Variants in SORCS1 observed in about 807,000 individuals in gnomAD.
SORCS1 encodes the protein sortilin related VPS10 domain containing receptor 1, also known as VPS10 domain-containing receptor SorCS1.
Under a neutral mutation model 146.1 loss-of-function variants are expected in SORCS1, and 60 were observed. That is an observed-to-expected ratio of 0.41 (90% CI 0.33 to 0.51). The LOEUF is 0.51. Among genes scored for constraint, SORCS1 ranks in the 20% least tolerant of loss-of-function variants. The pLI, the probability that SORCS1 is intolerant of heterozygous loss-of-function variation, is 0.21. For synonymous variants in SORCS1, 637 were observed against 584.0 expected (o/e 1.09, Z -1.31); for missense variants, 1,352 against 1,487.6 (o/e 0.91, Z 1.50).
intron 3 of SORCS1, among the ~76,000 whole-genome samples, chr10:106,797,106 C>CA (rs1208835473): frequency 6.6e-6 from 1 of 152,002 alleles, no homozygotes. Context: ...GACTCAGTCT[C>CA]AAAAAGATAA....
Position 106,677,422 on chromosome 10 carries a change from A to G in SORCS1, c.1741-18T>C. 6.2e-7 allele frequency: 1 copy of G among 1,606,340 alleles called. No individual in the cohort carries two copies. Among genetic ancestry groups the G allele is most frequent in the Middle Eastern group, 1.7e-4 (1 of 6,044 alleles). Reference sequence around the variant, plus strand: ...TCAAAGATCTGGATGAGGAAAACACATACATGGACACACATCCACATCCAC... The same window carrying G: ...TCAAAGATCTGGATGAGGAAAACACGTACATGGACACACATCCACATCCAC... On this transcript the variant is annotated intron_variant, in intron 12 of 25. Coordinates refer to ENST00000263054, the MANE Select transcript of SORCS1 (RefSeq NM_052918.5).
chr10:106,807,893 T>C (rs1197160287), intron 3 of SORCS1, among the ~76,000 whole-genome samples: 1 of 152,280 alleles, frequency 6.6e-6, no homozygotes, highest in African/African-American at 2.4e-5. Flanking sequence ...TCTTTACATC[T>C]TCCCATTTGC....
At chr10:106,799,565 G>A (rs1946761658) in intron 3 of SORCS1, among the ~76,000 whole-genome samples, 1 of 152,124 alleles carries the variant, frequency 6.6e-6, no homozygotes, top group African/African-American at 2.4e-5. Context: ...CAAAAAGTGG[G>A]CAAAGGATAT....
chr10:106,632,113 G>A (rs1034268856), intron 18 of SORCS1, among the ~76,000 whole-genome samples: 3 of 152,058 alleles, frequency 2.0e-5, no homozygotes, highest in African/African-American at 4.8e-5. Flanking sequence ...ATAGAATCAG[G>A]TATTAGGTTT....
At chr10:107,108,821 A>T (rs1034920137) in intron 1 of SORCS1, among the ~76,000 whole-genome samples, 3 of 152,164 alleles carry the variant, frequency 2.0e-5, no homozygotes, top group African/African-American at 7.2e-5. Flanking sequence ...AAAAAAAACA[A>T]ATTTGTTACT....
At chr10:106,798,363 T>G (rs951366442) in intron 3 of SORCS1, among the ~76,000 whole-genome samples, 2 of 152,224 alleles carry the variant, frequency 1.3e-5, no homozygotes, top group Admixed American at 1.3e-4. Context: ...TATGTATACA[T>G]GTGTCATGTT....
chr10:107,155,037 T>C (rs1185753721), intron 1 of SORCS1, among the ~76,000 whole-genome samples: 2 of 152,200 alleles, frequency 1.3e-5, no homozygotes, highest in Non-Finnish European at 2.9e-5. Context: ...TCATGTGTAC[T>C]TTCTGCCATT....
intron 1 of SORCS1, among the ~76,000 whole-genome samples, chr10:106,963,216 C>T (rs966029667): frequency 1.0e-4 from 15 of 149,850 alleles, no homozygotes; most frequent in East Asian, 2.0e-4. Flanking sequence ...CCCGGGTTCA[C>T]GCCATTCTCC....
intron 5 of SORCS1, among the ~76,000 whole-genome samples, chr10:106,750,160 T>C (rs1207742026): frequency 6.6e-6 from 1 of 152,148 alleles, no homozygotes; most frequent in Non-Finnish European, 1.5e-5. Flanking sequence ...GACACAATTA[T>C]GAGGATTTTT....
At position 106,706,554 on chromosome 10, in the gene SORCS1, A is replaced by C; in HGVS notation, c.1224T>G (p.Ala408=). The C allele has an allele frequency of 6.2e-7, 1 of 1,614,142 alleles. No individual in the cohort carries two copies. Among genetic ancestry groups the C allele is most frequent in the African/African-American group, 1.3e-5 (1 of 75,054 alleles). The part of the protein sequence containing the change: ...AFAQMKLPKY[A]LPKDMHVIST... ...GTGATTTAGGCCATACCTTGGGCAA[A>C]GCATATTTCGGAAGCTTCATTTGGG... Residue 408 remains alanine (A), a synonymous_variant, in exon 8 of 26, where the codon GCT becomes GCG. Coordinates refer to ENST00000263054, the MANE Select transcript of SORCS1 (RefSeq NM_052918.5).
intron 3 of SORCS1, among the ~76,000 whole-genome samples, chr10:106,796,192 T>A (rs943935612): frequency 2.0e-5 from 3 of 152,212 alleles, no homozygotes; most frequent in African/African-American, 7.2e-5. Context: ...TTTTTTAAAA[T>A]GTCTGCACTG....
intron 18 of SORCS1, 24 bp from the exon 19 acceptor site, chr10:106,629,412 G>C: frequency 6.2e-7 from 1 of 1,611,506 alleles, no homozygotes; most frequent in Non-Finnish European, 8.5e-7. Flanking sequence ...CAACATCAGA[G>C]GAAATGAGTT....
intron 3 of SORCS1, among the ~76,000 whole-genome samples, chr10:106,787,293 T>G (rs924506619): frequency 6.6e-6 from 1 of 152,098 alleles, no homozygotes; most frequent in African/African-American, 2.4e-5. Flanking sequence ...TCCCTTCAGT[T>G]TGGAAAATGG....
chr10:106,587,932 G>A (rs1165798685), intron 24 of SORCS1, among the ~76,000 whole-genome samples: 4 of 152,044 alleles, frequency 2.6e-5, no homozygotes, highest in Admixed American at 6.6e-5. Flanking sequence ...TATAATGTGC[G>A]TTTATCCAGA....
chr10:106,908,792 G>T (rs1952021775), intron 2 of SORCS1, among the ~76,000 whole-genome samples: 1 of 152,152 alleles, frequency 6.6e-6, no homozygotes, highest in African/African-American at 2.4e-5. Context: ...TTCCCAGTCA[G>T]CCTCTGAGCA....
chr10:106,985,911 T>G (rs1956451583), intron 1 of SORCS1, among the ~76,000 whole-genome samples: 1 of 151,928 alleles, frequency 6.6e-6, no homozygotes, highest in South Asian at 2.1e-4. Flanking sequence ...GAGTACCCCT[T>G]TCCCCAAGGG....
chr10:107,023,686 CA>C (rs1958255190), intron 1 of SORCS1, among the ~76,000 whole-genome samples: 1 of 151,968 alleles, frequency 6.6e-6, no homozygotes, highest in Non-Finnish European at 1.5e-5. Context: ...GAAAAGATGT[CA>C]AAAAGGTCAT....
chr10:106,626,139 T>C (rs1365070545), intron 19 of SORCS1, among the ~76,000 whole-genome samples: 1 of 152,106 alleles, frequency 6.6e-6, no homozygotes, highest in African/African-American at 2.4e-5. Flanking sequence ...TTTTCTGCAC[T>C]GGAGAGTGGT....
chr10:107,066,405 A>G (rs1961860706), intron 1 of SORCS1, among the ~76,000 whole-genome samples: 1 of 152,204 alleles, frequency 6.6e-6, no homozygotes, highest in Non-Finnish European at 1.5e-5. Context: ...TTTGAGTGAA[A>G]TGGGAATGTG....
Sources: allele counts gnomAD v4.1 joint callset (sites outside exome capture counted in the v4.1 genomes callset), GRCh38; gene constraint gnomAD v4.1.1; transcripts MANE v1.5; gene names NCBI Gene and HGNC (gene_info 2026-07-23, HGNC 2026-07-21).